AKT3: variants seen among roughly 807,000 people sequenced by gnomAD.
AKT3 encodes the protein RAC-gamma serine/threonine-protein kinase.
Under a neutral mutation model 65.3 loss-of-function variants are expected in AKT3, and 15 were observed. The observed-to-expected ratio is 0.23, with a 90% CI of 0.15 to 0.35. AKT3 has a LOEUF of 0.35. Among genes scored for constraint, AKT3 ranks in the 10% least tolerant of loss-of-function variants. The pLI, the probability that AKT3 is intolerant of heterozygous loss-of-function variation, is 1.00. For synonymous variants in AKT3, 206 were observed against 183.8 expected, an observed-to-expected ratio of 1.12 and a Z score of -0.98; for missense variants, 243 against 576.5, an observed-to-expected ratio of 0.42 and a Z score of 5.92.
chr1:243,631,336 A>G (rs982120195), intron 6 of AKT3, among the ~76,000 whole-genome samples: 8 of 152,082 alleles, frequency 5.3e-5, no homozygotes, highest in African/African-American at 1.9e-4. Flanking sequence ...TTTTGAGACG[A>G]AGTCTTGCTC....
chr1:243,613,999 C>A (rs1432161156), intron 7 of AKT3, among the ~76,000 whole-genome samples: 1 of 152,142 alleles, frequency 6.6e-6, no homozygotes, highest in Non-Finnish European at 1.5e-5. Flanking sequence ...GCAACAAGCA[C>A]TTCTCAATCT....
intron 2 of AKT3, among the ~76,000 whole-genome samples, chr1:243,713,715 A>G (rs1463448955): frequency 1.4e-5 from 2 of 141,640 alleles, no homozygotes; most frequent in Non-Finnish European, 3.0e-5. Flanking sequence ...AGCTGCTTAA[A>G]CCATTTCGCT....
In AKT3 at chr1:243,552,923, A is replaced by G. The variant is rs751571039; in HGVS notation, c.969T>C (p.Tyr323=). 4.3e-6 allele frequency: 7 copies of G among 1,609,960 alleles called. No homozygotes were observed. Among genetic ancestry groups the G allele is most frequent in the South Asian group, 1.1e-5 (1 of 89,778 alleles). The change falls in exon 11 of 14, where the codon TAT becomes TAC. Residue 323 remains tyrosine, a synonymous_variant. Transcript: ENST00000673466. ...GGCCCCACCAGTCTACTGCTCGGCCATAGTCATTATCTTCTAACACCTAAA... is the reference window on the plus strand; with the variant it reads ...GGCCCCACCAGTCTACTGCTCGGCCGTAGTCATTATCTTCTAACACCTAAA... The part of the protein sequence containing the change: ...LAPEVLEDND[Y]GRAVDWWGLG...
chr1:243,588,061 A>C (rs1444376576), intron 8 of AKT3, among the ~76,000 whole-genome samples: 2 of 152,164 alleles, frequency 1.3e-5, no homozygotes, highest in Non-Finnish European at 2.9e-5. Context: ...GCACTTTCTG[A>C]CACATTATTG....
intron 4 of AKT3, among the ~76,000 whole-genome samples, chr1:243,664,370 G>T (rs10803151): frequency 0.78 from 117,675 of 150,780 alleles, 46,850 homozygotes; most frequent in Non-Finnish European, 0.86. Flanking sequence ...CTGATTTTTT[G>T]TGTGTGTGTT....
chr1:243,821,368 A>G (rs933213583), intron 2 of AKT3, among the ~76,000 whole-genome samples: 8 of 152,206 alleles, frequency 5.3e-5, no homozygotes, highest in Admixed American at 6.5e-5. Context: ...TGAAGCAGCT[A>G]CATCAACACG....
At chr1:243,605,313 C>A (rs1677317698) in intron 8 of AKT3, among the ~76,000 whole-genome samples, 1 of 152,118 alleles carries the variant, frequency 6.6e-6, no homozygotes, top group Non-Finnish European at 1.5e-5. Flanking sequence ...CAGGCATGAG[C>A]CACCAGGCCT....
At chr1:243,697,467 G>T (rs1234779819) in intron 2 of AKT3, among the ~76,000 whole-genome samples, 1 of 151,922 alleles carries the variant, frequency 6.6e-6, no homozygotes, top group East Asian at 1.9e-4. Context: ...TTCAACAAGG[G>T]TTAGTTTCTA....
chr1:243,636,029 T>C lies in AKT3; in HGVS notation c.561+1582A>G, dbSNP rs75934495. The stretch of plus-strand genomic sequence containing the variant: ...GTACAGTTACTCAGAAAAGTGTAAG[T>C]AGTGAGATAAGACAGTGTCTAATAG... On this transcript the variant is annotated intron_variant, in intron 6 of 13. Transcript: ENST00000673466. Among the ~76,000 whole-genome samples, 830 of 152,116 alleles carry C rather than the reference T, an allele frequency of 5.5e-3. 7 individuals carry two copies. Among genetic ancestry groups the C allele is most frequent in the African/African-American group, 0.019 (770 of 41,538 alleles).
intron 4 of AKT3, among the ~76,000 whole-genome samples, chr1:243,652,782 A>AAAAAAAAAAAAAAAAAAC: frequency 6.7e-6 from 1 of 148,582 alleles, no homozygotes; most frequent in Admixed American, 6.7e-5. Flanking sequence ...AAAAAAAAAA[A>AAAAAAAAAAAAAAAAAAC]AAAAAAAAAA....
intron 2 of AKT3, among the ~76,000 whole-genome samples, chr1:243,724,077 T>C (rs2148122691): frequency 6.6e-6 from 1 of 152,194 alleles, no homozygotes; most frequent in Non-Finnish European, 1.5e-5. Flanking sequence ...ATAACAAACA[T>C]AAATAATCCT....
Position 243,795,496 on chromosome 1 carries a change from G to A in AKT3, c.46+47629C>T, listed in dbSNP as rs866323713. On this transcript the variant is annotated intron_variant, in intron 2 of 13. Transcript: ENST00000673466. ...TTTTGGTTTTTTTTTTTTTGAGACG[G>A]AGTCTCGCTCTGTCGCCCAGGCTGG... 7.2e-5 allele frequency among the ~76,000 whole-genome samples: 9 copies of A among 124,226 alleles called. No individual in the cohort carries two copies. In the South Asian group the frequency reaches 1.9e-3, roughly 26 times the overall value. The allele number at this position is 124,226 out of a possible 152,430, so 81.5% of individuals were successfully genotyped here. A position where few individuals can be genotyped will look rare whatever the true frequency, so the allele number is the denominator to read the frequency against.
intron 8 of AKT3, among the ~76,000 whole-genome samples, chr1:243,582,447 C>CAAAA (rs59718769): frequency 2.0e-5 from 2 of 101,518 alleles, no homozygotes; most frequent in African/African-American, 3.4e-5. Context: ...TTAGCTTTCT[C>CAAAA]AAAAAAAAAA....
At chr1:243,568,363 A>G (rs1025637074) in intron 9 of AKT3, among the ~76,000 whole-genome samples, 12 of 152,180 alleles carry the variant, frequency 7.9e-5, no homozygotes, top group African/African-American at 2.9e-4. Flanking sequence ...ACAAGATTGT[A>G]TATTAAAAAT....
chr1:243,736,666 G>A (rs1447131225), intron 2 of AKT3, among the ~76,000 whole-genome samples: 34 of 152,146 alleles, frequency 2.2e-4, no homozygotes, highest in Admixed American at 2.2e-3. Context: ...TAGGAGCCTT[G>A]CAAGTACTAA....
chr1:243,799,935 T>G (rs1196360467), intron 2 of AKT3, among the ~76,000 whole-genome samples: 1 of 152,188 alleles, frequency 6.6e-6, no homozygotes, highest in East Asian at 1.9e-4. Context: ...TGAAGACAAT[T>G]CTTGGGGAGT....
chr1:243,679,173 T>G (rs1195715328), intron 3 of AKT3, among the ~76,000 whole-genome samples: 2 of 152,232 alleles, frequency 1.3e-5, no homozygotes, highest in Non-Finnish European at 2.9e-5. Context: ...ATAGTGCATG[T>G]AATACACAAA....
At chr1:243,798,393 ATTTTTTTTTT>A (rs759264137) in intron 2 of AKT3, among the ~76,000 whole-genome samples, 5 of 83,310 alleles carry the variant, frequency 6.0e-5, no homozygotes, top group Admixed American at 3.8e-4. Context: ...CTAATTTTTA[ATTTTTTTTTT>A]TTTTTTTTTT....
At chr1:243,530,907 T>TA (rs1055685802) in intron 12 of AKT3, among the ~76,000 whole-genome samples, 4 of 152,138 alleles carry the variant, frequency 2.6e-5, no homozygotes, top group South Asian at 2.1e-4. Context: ...GAATTGAAAA[T>TA]AAAAAAAGAA....
Sources: gnomAD v4.1 joint callset for allele counts (sites outside exome capture counted in the v4.1 genomes callset) on GRCh38, gnomAD v4.1.1 for gene constraint, MANE v1.5 for transcripts, NCBI Gene and HGNC (gene_info 2026-07-23, HGNC 2026-07-21) for gene names.